The following DIAPH3 variants were observed in gnomAD, a reference collection of about 807,000 sequenced individuals.
The protein encoded by DIAPH3 is protein diaphanous homolog 3.
Under a neutral mutation model 144.3 loss-of-function variants are expected in DIAPH3, and 117 were observed. That is an observed-to-expected ratio of 0.81 (90% confidence interval 0.70 to 0.95). The LOEUF (loss-of-function observed/expected upper bound fraction) is 0.95. Among genes scored for constraint, DIAPH3 ranks in the 40% least tolerant of loss-of-function variants. The probability of loss-of-function intolerance (pLI) is 0.00; values close to 1 mark genes in which losing one functional copy is unlikely to be tolerated. For synonymous variants in DIAPH3, 519 were observed against 488.9 expected, an observed-to-expected ratio of 1.06 and a Z score of -0.81; for missense variants, 1,421 against 1,412.7, an observed-to-expected ratio of 1.01 and a Z score of -0.09.
At chr13:59,994,358 T>C (rs2052049019) in intron 9 of DIAPH3, among the ~76,000 whole-genome samples, 1 of 151,936 alleles carries the variant, frequency 6.6e-6, no homozygotes, top group Non-Finnish European at 1.5e-5. Context: ...TTGTAGGTTT[T>C]ATACATAATG....
intron 22 of DIAPH3, among the ~76,000 whole-genome samples, chr13:59,844,687 A>T (rs2042538496): frequency 6.6e-6 from 1 of 152,138 alleles, no homozygotes; most frequent in Admixed American, 6.5e-5. Context: ...CATTCTTTGG[A>T]AGAAAACTAA....
At chr13:60,139,564 G>T (rs1052676084) in intron 1 of DIAPH3, among the ~76,000 whole-genome samples, 1 of 152,100 alleles carries the variant, frequency 6.6e-6, no homozygotes, top group South Asian at 2.1e-4. Flanking sequence ...CATCATTCAA[G>T]TGTCCACAGC....
chr13:60,142,032 G>C (rs935845606), intron 1 of DIAPH3, among the ~76,000 whole-genome samples: 1 of 152,202 alleles, frequency 6.6e-6, no homozygotes, highest in African/African-American at 2.4e-5. Context: ...CAAGAAACAA[G>C]GGAGCTTGTT....
chr13:59,951,920 C>T (rs1032142323), intron 17 of DIAPH3, among the ~76,000 whole-genome samples: 1 of 152,012 alleles, frequency 6.6e-6, no homozygotes, highest in Non-Finnish European at 1.5e-5. Flanking sequence ...AAGTATTTAT[C>T]CAAAAGAATT....
chr13:59,923,134 C>T (rs549861325), intron 18 of DIAPH3, among the ~76,000 whole-genome samples: 30 of 152,098 alleles, frequency 2.0e-4, no homozygotes, highest in African/African-American at 6.7e-4. Flanking sequence ...AATAAATAAC[C>T]GTGTTCAAAA....
At chr13:59,739,106 G>C (rs897626304) in intron 27 of DIAPH3, among the ~76,000 whole-genome samples, 1 of 152,090 alleles carries the variant, frequency 6.6e-6, no homozygotes, top group Non-Finnish European at 1.5e-5. Flanking sequence ...ACTATCCCTC[G>C]TGCTTAGGTC....
chr13:59,728,120 G>A (rs1200566485), intron 27 of DIAPH3, among the ~76,000 whole-genome samples: 1 of 151,644 alleles, frequency 6.6e-6, no homozygotes, highest in African/African-American at 2.4e-5. Flanking sequence ...AAAGGAGAAA[G>A]TCCTACATGA....
At chr13:59,810,226 C>G (rs1348020718) in intron 25 of DIAPH3, among the ~76,000 whole-genome samples, 1 of 152,054 alleles carries the variant, frequency 6.6e-6, no homozygotes, top group Non-Finnish European at 1.5e-5. Context: ...GTGTCAAGAT[C>G]AAGGCATACT....
chr13:59,692,703 C>G (rs1291004454), intron 27 of DIAPH3, among the ~76,000 whole-genome samples: 2 of 152,140 alleles, frequency 1.3e-5, no homozygotes, highest in Non-Finnish European at 2.9e-5. Context: ...CCACCTCCAT[C>G]AACCATAACC....
intron 1 of DIAPH3, among the ~76,000 whole-genome samples, chr13:60,154,285 C>T (rs1951925737): frequency 6.6e-6 from 1 of 151,976 alleles, no homozygotes; most frequent in South Asian, 2.1e-4. Context: ...TATTCTAGGC[C>T]CAAAACATAA....
intron 9 of DIAPH3, among the ~76,000 whole-genome samples, chr13:59,993,583 T>C (rs192725114): frequency 7.9e-5 from 12 of 151,380 alleles, no homozygotes; most frequent in African/African-American, 2.9e-4. Flanking sequence ...ATAGTAATTG[T>C]TATATTTGAT....
At chr13:60,033,106 C>A (rs1164366625) in intron 5 of DIAPH3, among the ~76,000 whole-genome samples, 1 of 152,182 alleles carries the variant, frequency 6.6e-6, no homozygotes, top group East Asian at 1.9e-4. Context: ...CTCTGGTTCC[C>A]AATAAGTTCC....
intron 2 of DIAPH3, 72 bp downstream of exon 2, chr13:60,132,885 A>G: frequency 3.9e-6 from 5 of 1,287,620 alleles, no homozygotes; most frequent in Non-Finnish European, 5.6e-6. Flanking sequence ...CAAAGATGTT[A>G]GCAGAGCACA....
chr13:60,073,180 G>T (rs1374808598), intron 4 of DIAPH3, among the ~76,000 whole-genome samples: 1 of 151,944 alleles, frequency 6.6e-6, no homozygotes, highest in Non-Finnish European at 1.5e-5. Flanking sequence ...GTGGTGGCAG[G>T]TGCCTGTAAT....
chr13:59,746,477 G>A (rs984704164), intron 27 of DIAPH3, among the ~76,000 whole-genome samples: 1 of 151,832 alleles, frequency 6.6e-6, no homozygotes, highest in Non-Finnish European at 1.5e-5. Flanking sequence ...GCCAGCCTTG[G>A]CCTCCGAAAG....
chr13:59,772,506 A>C (rs767721314), intron 27 of DIAPH3, among the ~76,000 whole-genome samples: 4 of 152,094 alleles, frequency 2.6e-5, no homozygotes, highest in Non-Finnish European at 5.9e-5. Flanking sequence ...AAGCCAGTAC[A>C]CATTAGCTTT....
At chr13:59,948,383 A>G (rs149405228) in intron 17 of DIAPH3, among the ~76,000 whole-genome samples, 111 of 152,284 alleles carry the variant, frequency 7.3e-4, no homozygotes, top group African/African-American at 2.6e-3. Flanking sequence ...TGTCCAAGAA[A>G]CCTGCTCTTA....
At chr13:60,005,741 A>G (rs1010980811) in intron 9 of DIAPH3, among the ~76,000 whole-genome samples, 4 of 152,242 alleles carry the variant, frequency 2.6e-5, no homozygotes, top group Non-Finnish European at 5.9e-5. Context: ...TTGGCCTCCC[A>G]AAGTGCTAGG....
chr13:60,094,184 T>G (rs1256154737), intron 3 of DIAPH3, among the ~76,000 whole-genome samples: 1 of 152,196 alleles, frequency 6.6e-6, no homozygotes, highest in Admixed American at 6.5e-5. Context: ...GATAGCCACA[T>G]CAAATATCCA....
Sources: gnomAD v4.1 joint callset for allele counts (sites outside exome capture counted in the v4.1 genomes callset) on GRCh38, gnomAD v4.1.1 for gene constraint, MANE v1.5 for transcripts, NCBI Gene and HGNC (gene_info 2026-07-23, HGNC 2026-07-21) for gene names.